The following EMP2 variants were observed in gnomAD, a reference collection of about 807,000 sequenced individuals.
EMP2 encodes the protein epithelial membrane protein 2.
EMP2 carries 19 observed loss-of-function variants against 13.7 expected under a neutral mutation model. The ratio of observed to expected loss-of-function variants is 1.38; its 90% confidence interval spans 0.97 to 2.03. EMP2 has a LOEUF of 2.03. EMP2 is among the 30% of genes most tolerant of loss of function. EMP2 has a pLI of 0.00. For missense variants in EMP2, 253 were observed against 220.7 expected (o/e 1.15, Z -0.93); for synonymous variants, 97 against 84.7 (o/e 1.15, Z -0.80).
intron 2 of EMP2, 163 bp downstream of exon 2, chr16:10,547,377 T>C: frequency 1.3e-6 from 1 of 758,308 alleles, no homozygotes; most frequent in Non-Finnish European, 2.1e-6. Flanking sequence ...TGCAGAGGCC[T>C]CCCAGACATG....
rs1171512426 is a variant in EMP2, at chr16:10,531,674, GA to G, written c.*1230del. On this transcript the variant is annotated 3_prime_UTR_variant, in exon 5 of 5. Coordinates refer to ENST00000359543, the MANE Select transcript of EMP2 (RefSeq NM_001424.6). Reference sequence around the variant, plus strand: ...TAATCTGTCTCCTCCACTAGGCCATGAGCCCTAGGAGGAGATTGTCTCTAGA... The same window carrying G: ...TAATCTGTCTCCTCCACTAGGCCATGGCCCTAGGAGGAGATTGTCTCTAGA... The G allele has an allele frequency of 6.6e-6, 1 of 152,518 alleles. No individual in the cohort carries two copies. Among genetic ancestry groups the G allele is most frequent in the Non-Finnish European group, 1.5e-5 (1 of 68,200 alleles). The allele number at this position is 152,518 out of a possible 1,614,324, so 9.4% of individuals were successfully genotyped here. A position where few individuals can be genotyped will look rare whatever the true frequency, so the allele number is the denominator to read the frequency against.
intron 1 of EMP2, among the ~76,000 whole-genome samples, chr16:10,560,945 G>A (rs1241968982): frequency 6.6e-6 from 1 of 152,226 alleles, no homozygotes; most frequent in Admixed American, 6.5e-5. Context: ...AGGCCAAGGG[G>A]GCTGGGGAAG....
intron 1 of EMP2, among the ~76,000 whole-genome samples, chr16:10,552,283 C>T (rs1255115840): frequency 6.6e-6 from 1 of 152,050 alleles, no homozygotes; most frequent in Non-Finnish European, 1.5e-5. Context: ...TGTTGTCCAG[C>T]TGGGATGACA....
intron 1 of EMP2, among the ~76,000 whole-genome samples, chr16:10,577,752 T>C (rs1182414537): frequency 1.3e-5 from 2 of 151,646 alleles, no homozygotes; most frequent in African/African-American, 4.9e-5. Context: ...CCTTTAACTC[T>C]CTCCTCTGGG....
rs6498085 is a variant in EMP2 at position 10,556,359 on chromosome 16, C to G, written c.-60-8682G>C. Among the ~76,000 whole-genome samples, 7 of 152,232 alleles carry G rather than the reference C, an allele frequency of 4.6e-5. No homozygotes were observed. In the East Asian group the frequency reaches 1.4e-3, roughly 29 times the overall value. On this transcript the variant is annotated intron_variant, in intron 1 of 4. Coordinates refer to ENST00000359543, the MANE Select transcript of EMP2 (RefSeq NM_001424.6). ...ATGTATGGTTTTGGTTACAAGCCTG[C>G]GGTTGGCCTGATTCTTTGCAGTGCA... is the stretch of plus-strand genomic sequence containing the variant.
intron 1 of EMP2, among the ~76,000 whole-genome samples, chr16:10,550,316 C>A (rs1342629742): frequency 6.6e-6 from 1 of 152,180 alleles, no homozygotes; most frequent in Non-Finnish European, 1.5e-5. Context: ...ACATGGCTTT[C>A]TTTTTCCTGC....
intron 3 of EMP2, among the ~76,000 whole-genome samples, chr16:10,540,203 C>T (rs9935227): frequency 0.3 from 46,044 of 151,974 alleles, 7,970 homozygotes; most frequent in African/African-American, 0.46. Flanking sequence ...GCTCACTTTG[C>T]TCAGTTTAAA....
intron 2 of EMP2, 34 bp from the exon 3 acceptor site, chr16:10,543,694 G>T: frequency 6.2e-7 from 1 of 1,600,890 alleles, no homozygotes; most frequent in South Asian, 1.1e-5. Flanking sequence ...GAGAAAGGCC[G>T]TCCGTTCATG....
At chr16:10,536,303 C>T (rs1385541973) in intron 4 of EMP2, among the ~76,000 whole-genome samples, 4 of 152,110 alleles carry the variant, frequency 2.6e-5, no homozygotes, top group Non-Finnish European at 1.5e-5. Flanking sequence ...CTGTATCCCT[C>T]GGGCTGGAGT....
At chr16:10,539,116 G>A (rs564070004) in intron 3 of EMP2, among the ~76,000 whole-genome samples, 1 of 152,282 alleles carries the variant, frequency 6.6e-6, no homozygotes, top group African/African-American at 2.4e-5. Context: ...TTTGGAGGGT[G>A]CAGGCAAGGT....
chr16:10,540,323 T>C (rs1292956417), intron 3 of EMP2, among the ~76,000 whole-genome samples: 6 of 152,076 alleles, frequency 3.9e-5, no homozygotes, highest in Non-Finnish European at 8.8e-5. Context: ...CTGGCCAATA[T>C]GGCAAAACCC....
At chr16:10,547,760 G>C (rs2050751064) in intron 1 of EMP2, 83 bp from the exon 2 acceptor site, 1 of 783,378 alleles carries the variant, frequency 1.3e-6, no homozygotes, top group Non-Finnish European at 2.0e-6. Context: ...TTTTAGCTGG[G>C]CGTGGTGGCT....
chr16:10,566,834 G>A, intron 1 of EMP2, among the ~76,000 whole-genome samples: 1 of 152,248 alleles, frequency 6.6e-6, no homozygotes, highest in East Asian at 1.9e-4. Flanking sequence ...ACCACAAGGT[G>A]GCGGCCCTCA....
rs1038098910 is a variant in EMP2 at position 10,531,210 on chromosome 16, G to A, written c.*1695C>T. On this transcript the variant is annotated 3_prime_UTR_variant, in exon 5 of 5. Coordinates refer to ENST00000359543, the MANE Select transcript of EMP2 (RefSeq NM_001424.6). ...GCTGGTCTTGAACTCCTGACCTTGT[G>A]ATCCACCTGCCTCAGCCTCCCAAAG... 1 of 152,178 alleles carries A rather than the reference G, an allele frequency of 6.6e-6. No homozygotes were observed. Among genetic ancestry groups the A allele is most frequent in the African/African-American group, 2.4e-5 (1 of 41,432 alleles). 9.4% of individuals were successfully genotyped at this position (152,178 alleles called of 1,614,324 possible).
At chr16:10,555,066 A>G (rs1054744783) in intron 1 of EMP2, among the ~76,000 whole-genome samples, 1 of 152,088 alleles carries the variant, frequency 6.6e-6, no homozygotes, top group African/African-American at 2.4e-5. Flanking sequence ...GCCCTTGGAA[A>G]ACTCAAAGCC....
chr16:10,567,551 G>A (rs150257565), intron 1 of EMP2, among the ~76,000 whole-genome samples: 3 of 152,318 alleles, frequency 2.0e-5, no homozygotes, highest in East Asian at 1.9e-4. Flanking sequence ...CCAGGCATTC[G>A]TTCCACAGCC....
rs149858171 is a variant in EMP2, at chr16:10,571,817, A to G, written c.-61+8732T>C. Among the ~76,000 whole-genome samples, 9 of 152,356 alleles carry G rather than the reference A, an allele frequency of 5.9e-5. No individual in the cohort carries two copies. The East Asian group carries it at 1.7e-3, about 29-fold the overall frequency. On this transcript the variant is annotated intron_variant, in intron 1 of 4. Transcript: ENST00000359543. ...GGACTGAAGGTTTGCATGAAGAGAC[A>G]GAGGACTGCTCCAGGCTTCCACTGT... is the stretch of plus-strand genomic sequence containing the variant.
intron 3 of EMP2, among the ~76,000 whole-genome samples, chr16:10,540,952 G>A (rs2142175076): frequency 6.6e-6 from 1 of 152,252 alleles, no homozygotes; most frequent in East Asian, 1.9e-4. Context: ...GCCAGGTGTG[G>A]TGGCACACAC....
At chr16:10,537,037 A>AGGGCTGGAAGGAGGTGGT (rs2050652332) in intron 4 of EMP2, among the ~76,000 whole-genome samples, 2 of 152,052 alleles carry the variant, frequency 1.3e-5, no homozygotes, top group South Asian at 4.1e-4. Flanking sequence ...CGGGAGGTGG[A>AGGGCTGGAAGGAGGTGGT]GGGCTGGAAG....
Sources: gnomAD v4.1 joint callset for allele counts (sites outside exome capture counted in the v4.1 genomes callset) on GRCh38, gnomAD v4.1.1 for gene constraint, MANE v1.5 for transcripts, NCBI Gene and HGNC (gene_info 2026-07-23, HGNC 2026-07-21) for gene names.